Variants in PARD3 observed in about 807,000 individuals in gnomAD.
The protein encoded by PARD3 is par-3 family cell polarity regulator, also known as partitioning defective 3 homolog.
Under a neutral mutation model 155.4 loss-of-function variants are expected in PARD3, and 75 were observed. That is an observed-to-expected ratio of 0.48 (90% CI 0.40 to 0.58). PARD3 has a LOEUF of 0.58. Ranked by LOEUF, PARD3 falls within the 20% of genes least tolerant of loss-of-function variation. PARD3 has a pLI of 0.00. For missense variants in PARD3, 1,642 were observed against 1,721.7 expected, an observed-to-expected ratio of 0.95 and a Z score of 0.82; for synonymous variants, 576 against 610.5, an observed-to-expected ratio of 0.94 and a Z score of 0.83.
intron 4 of PARD3, among the ~76,000 whole-genome samples, chr10:34,455,735 A>G (rs562873075): frequency 1.5e-4 from 23 of 152,240 alleles, no homozygotes; most frequent in African/African-American, 5.5e-4. Context: ...TTTTTTTTAA[A>G]TAAGGAAACC....
intron 20 of PARD3, among the ~76,000 whole-genome samples, chr10:34,298,185 A>G (rs1956995262): frequency 6.6e-6 from 1 of 152,224 alleles, no homozygotes; most frequent in Non-Finnish European, 1.5e-5. Flanking sequence ...TATCATTGTT[A>G]TCCTTAATTT....
intron 2 of PARD3, among the ~76,000 whole-genome samples, chr10:34,579,578 G>GTGTGTGTC (rs953814484): frequency 6.6e-6 from 1 of 151,620 alleles, no homozygotes; most frequent in South Asian, 2.1e-4. Context: ...GTGTGTGTGT[G>GTGTGTGTC]TGTGTGTGTG....
rs138215581 is a variant in PARD3, at chr10:34,420,129, A to C, written c.715-18212T>G. Among the ~76,000 whole-genome samples the C allele has an allele frequency of 3.0e-3, 458 of 152,270 alleles. 3 individuals carry two copies. Among genetic ancestry groups the C allele is most frequent in the Admixed American group, 5.0e-3 (77 of 15,286 alleles). Reference sequence around the variant, plus strand: ...ACCACACTCGTCTGATATTTTTAAAATTTTTGCAGAGATAAAGGCTCACTA... The same window carrying C: ...ACCACACTCGTCTGATATTTTTAAACTTTTTGCAGAGATAAAGGCTCACTA... On this transcript the variant is annotated intron_variant, in intron 5 of 24. Transcript: ENST00000374788.
chr10:34,781,255 C>T (rs1006384229), intron 1 of PARD3, among the ~76,000 whole-genome samples: 1 of 152,240 alleles, frequency 6.6e-6, no homozygotes, highest in African/African-American at 2.4e-5. Context: ...AGATACCCCT[C>T]TGCAGGAGGC....
intron 5 of PARD3, among the ~76,000 whole-genome samples, chr10:34,436,512 A>C (rs1358169160): frequency 2.0e-5 from 3 of 152,234 alleles, no homozygotes; most frequent in Non-Finnish European, 4.4e-5. Flanking sequence ...ACATGGTACG[A>C]TGTCTACTGA....
At chr10:34,349,561 C>T (rs1837783409) in intron 14 of PARD3, among the ~76,000 whole-genome samples, 1 of 81,478 alleles carries the variant, frequency 1.2e-5, no homozygotes, top group Non-Finnish European at 2.3e-5. Context: ...TGCCTAAATT[C>T]CAAGAGACTC....
chr10:34,667,709 A>G (rs1399160376), intron 2 of PARD3, among the ~76,000 whole-genome samples: 11 of 152,268 alleles, frequency 7.2e-5, no homozygotes. Context: ...CAGTAAGACC[A>G]GCCCCAAAAT....
intron 1 of PARD3, among the ~76,000 whole-genome samples, chr10:34,794,263 G>C (rs572756185): frequency 6.6e-6 from 1 of 152,190 alleles, no homozygotes; most frequent in African/African-American, 2.4e-5. Flanking sequence ...CTCTGCTGAG[G>C]ATGTAGACTT....
intron 2 of PARD3, among the ~76,000 whole-genome samples, chr10:34,651,187 A>C (rs2093005648): frequency 6.6e-6 from 1 of 152,192 alleles, no homozygotes; most frequent in South Asian, 2.1e-4. Flanking sequence ...TCCCAGCATC[A>C]CTTTGACAAA....
intron 22 of PARD3, among the ~76,000 whole-genome samples, chr10:34,193,978 G>C (rs1125879): frequency 0.21 from 31,712 of 152,040 alleles, 4,037 homozygotes; most frequent in Non-Finnish European, 0.27. Context: ...TATAGCAGCT[G>C]CTTCTGCAAG....
chr10:34,661,135 T>A (rs986948039), intron 2 of PARD3, among the ~76,000 whole-genome samples: 1 of 152,176 alleles, frequency 6.6e-6, no homozygotes, highest in African/African-American at 2.4e-5. Context: ...ACAGAGCGGT[T>A]TTCAGCTTTT....
chr10:34,608,067 G>A (rs975180549), intron 2 of PARD3, among the ~76,000 whole-genome samples: 2 of 152,066 alleles, frequency 1.3e-5, no homozygotes, highest in Non-Finnish European at 2.9e-5. Context: ...TTGTTCTTAG[G>A]GGCTCACTCC....
At chr10:34,694,411 G>GA (rs1432257347) in intron 2 of PARD3, among the ~76,000 whole-genome samples, 1 of 148,740 alleles carries the variant, frequency 6.7e-6, no homozygotes, top group Non-Finnish European at 1.5e-5. Context: ...AAAAGCCCAA[G>GA]AAGGAGAAAC....
chr10:34,110,590 A>G lies in PARD3; in HGVS notation c.*579T>C, dbSNP rs576658200. On this transcript the variant is annotated 3_prime_UTR_variant, in exon 25 of 25. Coordinates refer to ENST00000374788, the MANE Select transcript of PARD3 (RefSeq NM_001184785.2). ...CATGGTGACCAAACAATGTTGGACT[A>G]TGGCTTAGCTTCTGTAATAGGATGA... is the stretch of plus-strand genomic sequence containing the variant. The G allele has an allele frequency of 1.3e-5, 2 of 152,262 alleles. No individual in the cohort carries two copies. The highest frequency in any genetic ancestry group is 6.5e-5 in the Admixed American group (1 of 15,298). 9.4% of individuals were successfully genotyped at this position (152,262 alleles called of 1,614,324 possible). A position where few individuals can be genotyped will look rare whatever the true frequency, so the allele number is the denominator to read the frequency against.
chr10:34,675,821 G>A (rs1045919843), intron 2 of PARD3: 1 of 193,690 alleles, frequency 5.2e-6, no homozygotes, highest in Admixed American at 4.8e-5. Context: ...GGCTAATCTG[G>A]TGTTCAGCAC....
chr10:34,597,051 A>G (rs1034383861), intron 2 of PARD3, among the ~76,000 whole-genome samples: 1 of 152,174 alleles, frequency 6.6e-6, no homozygotes, highest in African/African-American at 2.4e-5. Context: ...CTCCTATCAG[A>G]ATGGTCAAGG....
intron 19 of PARD3, among the ~76,000 whole-genome samples, chr10:34,328,076 A>T (rs1052852519): frequency 6.6e-6 from 1 of 152,186 alleles, no homozygotes; most frequent in African/African-American, 2.4e-5. Flanking sequence ...CCAAAGCTGG[A>T]GGCAGAAAGT....
chr10:34,120,794 T>C (rs909646521), intron 23 of PARD3, among the ~76,000 whole-genome samples: 1 of 152,216 alleles, frequency 6.6e-6, no homozygotes, highest in Non-Finnish European at 1.5e-5. Context: ...TCATCCCCTA[T>C]AGAGAACACT....
intron 2 of PARD3, among the ~76,000 whole-genome samples, chr10:34,625,022 C>T (rs1232504539): frequency 2.0e-5 from 3 of 152,162 alleles, no homozygotes; most frequent in Admixed American, 1.3e-4. Context: ...GAGCCCTCAG[C>T]CCTGGACAAG....
Sources: gnomAD v4.1 joint callset for allele counts (sites outside exome capture counted in the v4.1 genomes callset) on GRCh38, gnomAD v4.1.1 for gene constraint, MANE v1.5 for transcripts, NCBI Gene and HGNC (gene_info 2026-07-23, HGNC 2026-07-21) for gene names.